Variants in SPAG16 observed in about 807,000 individuals in gnomAD.
SPAG16 encodes the protein sperm-associated antigen 16 protein.
In SPAG16, 86 loss-of-function variants were observed where a neutral mutation model predicts 80.4. That is an observed-to-expected ratio of 1.07 (90% confidence interval 0.90 to 1.28). The LOEUF (loss-of-function observed/expected upper bound fraction) is 1.28, where lower values mean the gene tolerates loss of function less well. Ranked by LOEUF, SPAG16 falls within the 50% of genes most tolerant of loss-of-function variation. The probability of loss-of-function intolerance (pLI) is 0.00; values close to 1 mark genes in which losing one functional copy is unlikely to be tolerated. For missense variants in SPAG16, 870 were observed against 765.3 expected, an observed-to-expected ratio of 1.14 and a Z score of -1.61; for synonymous variants, 294 against 265.9, an observed-to-expected ratio of 1.11 and a Z score of -1.03.
At chr2:214,397,267 T>A (rs918246924) in intron 15 of SPAG16, among the ~76,000 whole-genome samples, 1 of 151,014 alleles carries the variant, frequency 6.6e-6, no homozygotes, top group African/African-American at 2.4e-5. Flanking sequence ...GCGATTCTCC[T>A]GCCTCAGCCT....
At chr2:214,356,202 T>TA (rs1395481539) in intron 15 of SPAG16, among the ~76,000 whole-genome samples, 1 of 151,176 alleles carries the variant, frequency 6.6e-6, no homozygotes, top group East Asian at 1.9e-4. Context: ...TAATAAAATT[T>TA]AAAAAATGAG....
chr2:213,455,311 G>A (rs1003519629), intron 9 of SPAG16, among the ~76,000 whole-genome samples: 1 of 152,032 alleles, frequency 6.6e-6, no homozygotes, highest in Non-Finnish European at 1.5e-5. Context: ...TCCTTTCTTG[G>A]TTTTAGCCTT....
At chr2:213,370,473 TAAG>T (rs934580080) in intron 8 of SPAG16, among the ~76,000 whole-genome samples, 51 of 152,278 alleles carry the variant, frequency 3.3e-4, no homozygotes, top group Middle Eastern at 3.4e-3. Context: ...CATATTAAGA[TAAG>T]AAGAATGTAA....
chr2:213,982,909 T>C (rs1322328348), intron 12 of SPAG16, among the ~76,000 whole-genome samples: 1 of 152,034 alleles, frequency 6.6e-6, no homozygotes, highest in African/African-American at 2.4e-5. Flanking sequence ...ATTGCAATTA[T>C]TATTTTAATA....
At chr2:214,011,874 A>G (rs541830310) in intron 12 of SPAG16, among the ~76,000 whole-genome samples, 8 of 152,158 alleles carry the variant, frequency 5.3e-5, no homozygotes, top group Admixed American at 1.3e-4. Flanking sequence ...AAAAATGCTG[A>G]CATTTAAGAA....
chr2:213,642,971 C>T (rs2125118470), intron 10 of SPAG16, among the ~76,000 whole-genome samples: 1 of 151,546 alleles, frequency 6.6e-6, no homozygotes, highest in East Asian at 2.0e-4. Flanking sequence ...TGCTCCTCAG[C>T]CTGCAGATGG....
intron 10 of SPAG16, among the ~76,000 whole-genome samples, chr2:213,684,360 T>C (rs535893058): frequency 1.3e-5 from 2 of 152,306 alleles, no homozygotes; most frequent in South Asian, 4.1e-4. Context: ...AAGGTTTTAG[T>C]TAAAATTAGA....
intron 15 of SPAG16, among the ~76,000 whole-genome samples, chr2:214,266,107 C>T: frequency 6.6e-6 from 1 of 151,874 alleles, no homozygotes; most frequent in East Asian, 1.9e-4. Context: ...TTTAACAAAA[C>T]TCACAGACAC....
intron 10 of SPAG16, among the ~76,000 whole-genome samples, chr2:213,724,861 G>A (rs182231571): frequency 6.7e-6 from 1 of 149,668 alleles, no homozygotes; most frequent in Non-Finnish European, 1.5e-5. Flanking sequence ...TCATCCCAAA[G>A]GATGTATTAG....
chr2:213,954,070 C>G (rs1239702181), intron 12 of SPAG16, among the ~76,000 whole-genome samples: 2 of 151,704 alleles, frequency 1.3e-5, no homozygotes, highest in Admixed American at 1.3e-4. Flanking sequence ...GCAACCATTG[C>G]TATAATCCAA....
At chr2:214,329,735 G>T (rs1696761974) in intron 15 of SPAG16, among the ~76,000 whole-genome samples, 1 of 152,112 alleles carries the variant, frequency 6.6e-6, no homozygotes, top group Non-Finnish European at 1.5e-5. Context: ...CCTACCTTCA[G>T]GATTTTCTTC....
rs145344491 is a variant in SPAG16, at chr2:213,760,783, T to G, written c.1071-101702T>G. Among the ~76,000 whole-genome samples, 21 of 152,334 alleles carry G rather than the reference T, an allele frequency of 1.4e-4. 1 individual carries two copies. Among genetic ancestry groups the G allele is most frequent in the African/African-American group, 5.1e-4 (21 of 41,578 alleles). ...TGGATAATTTATATAAAAATGTTTT[T>G]TCCTCACAGTTTTGGAGGATGAGGA... On this transcript the variant is annotated intron_variant, in intron 10 of 15. Coordinates refer to ENST00000331683, the MANE Select transcript of SPAG16 (RefSeq NM_024532.5).
At chr2:213,838,430 T>C (rs2162502) in intron 10 of SPAG16, among the ~76,000 whole-genome samples, 93,799 of 152,046 alleles carry the variant, frequency 0.62, 30,215 homozygotes, top group East Asian at 0.85. Context: ...GCCTCGGCCT[T>C]CCAAAGTGCT....
At chr2:213,771,767 C>A (rs1176842646) in intron 10 of SPAG16, among the ~76,000 whole-genome samples, 2 of 152,030 alleles carry the variant, frequency 1.3e-5, no homozygotes, top group Non-Finnish European at 2.9e-5. Context: ...CATAGACGTG[C>A]AGTCTTATTT....
At chr2:214,166,425 G>C (rs1236983871) in intron 15 of SPAG16, among the ~76,000 whole-genome samples, 3 of 152,072 alleles carry the variant, frequency 2.0e-5, no homozygotes, top group African/African-American at 7.2e-5. Flanking sequence ...CCCCGGGCTC[G>C]GGTGCACTTG....
At chr2:214,318,373 CTTTTT>C (rs34923875) in intron 15 of SPAG16, among the ~76,000 whole-genome samples, 2 of 69,804 alleles carry the variant, frequency 2.9e-5, no homozygotes, top group Non-Finnish European at 5.2e-5. Context: ...AGAGTGAATT[CTTTTT>C]TTTTTTTTTT....
intron 10 of SPAG16, among the ~76,000 whole-genome samples, chr2:213,820,443 T>C (rs1421063474): frequency 6.6e-6 from 1 of 152,136 alleles, no homozygotes; most frequent in Non-Finnish European, 1.5e-5. Flanking sequence ...GGGCTCCAAG[T>C]ATTCAAATTA....
At chr2:213,913,145 A>G (rs1461327544) in intron 11 of SPAG16, among the ~76,000 whole-genome samples, 4 of 152,072 alleles carry the variant, frequency 2.6e-5, no homozygotes, top group Admixed American at 2.6e-4. Flanking sequence ...GTATATGGTC[A>G]TCTGAGTCTT....
intron 5 of SPAG16, among the ~76,000 whole-genome samples, chr2:213,338,779 G>C (rs1025430922): frequency 6.6e-6 from 1 of 152,142 alleles, no homozygotes; most frequent in Non-Finnish European, 1.5e-5. Context: ...ACCAAACACT[G>C]CATGTTCTCA....
Sources: allele counts gnomAD v4.1 joint callset (sites outside exome capture counted in the v4.1 genomes callset), GRCh38; gene constraint gnomAD v4.1.1; transcripts MANE v1.5; gene names NCBI Gene and HGNC (gene_info 2026-07-23, HGNC 2026-07-21).